Variants in CACNB4 observed in about 807,000 individuals in gnomAD.
CACNB4 encodes calcium voltage-gated channel auxiliary subunit beta 4.
Under a neutral mutation model 71.2 loss-of-function variants are expected in CACNB4, and 32 were observed. The observed-to-expected ratio is 0.45, with a 90% CI of 0.34 to 0.60. The LOEUF (loss-of-function observed/expected upper bound fraction) is 0.60. Ranked by LOEUF, CACNB4 falls within the 20% of genes least tolerant of loss-of-function variation. CACNB4 has a pLI of 0.01. For missense variants in CACNB4, 464 were observed against 647.9 expected (o/e 0.72, Z 3.08); for synonymous variants, 231 against 236.9 (o/e 0.97, Z 0.23).
chr2:151,909,807 T>C (rs1463908171), intron 2 of CACNB4, among the ~76,000 whole-genome samples: 1 of 152,234 alleles, frequency 6.6e-6, no homozygotes, highest in Non-Finnish European at 1.5e-5. Context: ...CAGTCTATGA[T>C]TGATGGGCAT....
chr2:151,833,177 GC>G lies in CACNB4; in HGVS notation c.*5941del, dbSNP rs1324966511. 1 of 152,058 alleles carries G rather than the reference GC, an allele frequency of 6.6e-6. No homozygotes were observed. Among genetic ancestry groups the G allele is most frequent in the Admixed American group, 6.5e-5 (1 of 15,272 alleles). 9.4% of individuals were successfully genotyped at this position (152,058 alleles called of 1,614,324 possible). Reference sequence around the variant, plus strand: ...ATAGCAATAGCCTGGGATTTCAACAGCCCTCAGAATAGTAGGAAAAATCTTT... The same window carrying G: ...ATAGCAATAGCCTGGGATTTCAACAGCCTCAGAATAGTAGGAAAAATCTTT... On this transcript the variant is annotated 3_prime_UTR_variant, in exon 14 of 14. Transcript: ENST00000539935.
At chr2:151,949,488 C>CG (rs11375853) in intron 2 of CACNB4, among the ~76,000 whole-genome samples, 140,831 of 152,098 alleles carry the variant, frequency 0.93, 65,508 homozygotes, top group Middle Eastern at 0.98. Context: ...ACAGTTAGTT[C>CG]GTAGCCAAAA....
chr2:151,948,485 C>T (rs1249148201), intron 2 of CACNB4, among the ~76,000 whole-genome samples: 2 of 151,802 alleles, frequency 1.3e-5, no homozygotes, highest in African/African-American at 4.8e-5. Flanking sequence ...CACAGGGAGA[C>T]TCCTGTCTCT....
At chr2:152,089,657 C>T (rs970044579) in intron 2 of CACNB4, among the ~76,000 whole-genome samples, 3 of 152,074 alleles carry the variant, frequency 2.0e-5, no homozygotes, top group African/African-American at 7.2e-5. Context: ...CAAAGCCAAG[C>T]GCAGTGGCTC....
intron 2 of CACNB4, among the ~76,000 whole-genome samples, chr2:151,963,502 A>C (rs1443485026): frequency 1.3e-5 from 2 of 152,120 alleles, no homozygotes; most frequent in Non-Finnish European, 2.9e-5. Context: ...CACAACAGAG[A>C]GTAAATAAAT....
At chr2:152,049,289 C>A (rs1685297338) in intron 2 of CACNB4, among the ~76,000 whole-genome samples, 1 of 152,060 alleles carries the variant, frequency 6.6e-6, no homozygotes, top group African/African-American at 2.4e-5. Flanking sequence ...CCCAGCCACC[C>A]AGGTAGCTGG....
intron 2 of CACNB4, among the ~76,000 whole-genome samples, chr2:151,921,015 C>T (rs2099858860): frequency 6.6e-6 from 1 of 151,924 alleles, no homozygotes; most frequent in South Asian, 2.1e-4. Flanking sequence ...GTGGTGGGCA[C>T]CTGTAGTCCC....
At chr2:151,921,318 T>C (rs1434856089) in intron 2 of CACNB4, among the ~76,000 whole-genome samples, 1 of 152,076 alleles carries the variant, frequency 6.6e-6, no homozygotes, top group East Asian at 1.9e-4. Context: ...GAATATCAAA[T>C]GGTGAATCTT....
At chr2:151,939,064 C>T (rs994827163) in intron 2 of CACNB4, among the ~76,000 whole-genome samples, 5 of 152,182 alleles carry the variant, frequency 3.3e-5, no homozygotes, top group African/African-American at 1.2e-4. Context: ...AAGACATTAA[C>T]CTTTTGGCTT....
intron 2 of CACNB4, among the ~76,000 whole-genome samples, chr2:151,915,500 C>G (rs2099857235): frequency 6.6e-6 from 1 of 152,212 alleles, no homozygotes; most frequent in African/African-American, 2.4e-5. Flanking sequence ...CTGCCCCTCC[C>G]CTGCGGGGGT....
At chr2:152,061,873 G>A (rs750606823) in intron 2 of CACNB4, among the ~76,000 whole-genome samples, 1 of 151,836 alleles carries the variant, frequency 6.6e-6, no homozygotes, top group Non-Finnish European at 1.5e-5. Flanking sequence ...TTAGCTGGGT[G>A]TGGTGGCACA....
At chr2:152,049,641 T>C (rs1047079267) in intron 2 of CACNB4, among the ~76,000 whole-genome samples, 3 of 152,086 alleles carry the variant, frequency 2.0e-5, no homozygotes, top group Non-Finnish European at 2.9e-5. Flanking sequence ...TTCTTCACCA[T>C]AAGAAGGAAG....
At chr2:152,025,918 T>C (rs559085028) in intron 2 of CACNB4, among the ~76,000 whole-genome samples, 70 of 152,330 alleles carry the variant, frequency 4.6e-4, no homozygotes, top group Non-Finnish European at 7.8e-4. Context: ...ACGTCAGAGC[T>C]GTGAAGAGCT....
intron 9 of CACNB4, chr2:151,861,851 A>AAAAAAAAAAAAAAAAAAAAAGAAAAAAC (rs201014643): frequency 7.4e-6 from 1 of 135,288 alleles, no homozygotes; most frequent in Non-Finnish European, 1.6e-5. Flanking sequence ...TCAAAAAAAA[A>AAAAAAAAAAAAAAAAAAAAAGAAAAAAC]AAAAAAACTG....
At chr2:151,976,850 C>T (rs1168507077) in intron 2 of CACNB4, among the ~76,000 whole-genome samples, 1 of 152,180 alleles carries the variant, frequency 6.6e-6, no homozygotes, top group African/African-American at 2.4e-5. Flanking sequence ...AGATCAGCTC[C>T]AGTCCCCAGC....
chr2:151,960,278 ACAACTGAGACTCATGGCAAT>A (rs1415298512), intron 2 of CACNB4, among the ~76,000 whole-genome samples: 2 of 152,184 alleles, frequency 1.3e-5, no homozygotes, highest in Non-Finnish European at 2.9e-5. Flanking sequence ...AAAATAAACC[ACAACTGAGACTCATGGCAAT>A]CATTTTATTC....
chr2:151,991,897 G>A (rs1415009540), intron 2 of CACNB4, among the ~76,000 whole-genome samples: 1 of 152,196 alleles, frequency 6.6e-6, no homozygotes, highest in Admixed American at 6.5e-5. Context: ...AGGAATGAGG[G>A]AAACAAAAGA....
intron 2 of CACNB4, among the ~76,000 whole-genome samples, chr2:152,004,504 C>A (rs774011335): frequency 6.7e-6 from 1 of 149,200 alleles, no homozygotes; most frequent in African/African-American, 2.5e-5. Context: ...CTGGAAACAA[C>A]CCCCGTGTCC....
In CACNB4 at chr2:152,049,135, T is replaced by G. The variant is rs145547317; in HGVS notation, c.147+49195A>C. On this transcript the variant is annotated intron_variant, in intron 2 of 13. Transcript: ENST00000539935. ...TTTTCCTGTTCATACCTTGATACCA[T>G]TCTCTCCCCCATTTGCATTCTCTCT... 9.9e-5 allele frequency among the ~76,000 whole-genome samples: 15 copies of G among 152,196 alleles called. No individual in the cohort carries two copies. The East Asian group carries it at 2.9e-3, about 29-fold the overall frequency.
Sources: gnomAD v4.1 joint callset for allele counts (sites outside exome capture counted in the v4.1 genomes callset) on GRCh38, gnomAD v4.1.1 for gene constraint, MANE v1.5 for transcripts, NCBI Gene and HGNC (gene_info 2026-07-23, HGNC 2026-07-21) for gene names.